SLC6A11: variants seen among roughly 807,000 people sequenced by gnomAD.
SLC6A11 encodes the protein solute carrier family 6 member 11.
A neutral mutation model predicts 74.8 loss-of-function variants in SLC6A11; 25 were observed. The observed-to-expected ratio is 0.33, with a 90% confidence interval of 0.24 to 0.47. SLC6A11 has a LOEUF of 0.47. SLC6A11 is among the 20% of genes least tolerant of loss of function. The probability of loss-of-function intolerance (pLI) is 1.00; values close to 1 mark genes in which losing one functional copy is unlikely to be tolerated. For synonymous variants in SLC6A11, 330 were observed against 330.2 expected, an observed-to-expected ratio of 1.00 and a Z score of 0.01; for missense variants, 574 against 837.0, an observed-to-expected ratio of 0.69 and a Z score of 3.88.
At chr3:10,820,451 A>G (rs1575663943) in intron 3 of SLC6A11, among the ~76,000 whole-genome samples, 1 of 152,208 alleles carries the variant, frequency 6.6e-6, no homozygotes, top group South Asian at 2.1e-4. Flanking sequence ...GGCTGTAGCC[A>G]AGAGGTGGCT....
intron 4 of SLC6A11, among the ~76,000 whole-genome samples, chr3:10,825,668 A>G (rs938554428): frequency 6.6e-6 from 1 of 151,990 alleles, no homozygotes; most frequent in African/African-American, 2.4e-5. Context: ...AGAGTTTTAC[A>G]GTTTTTTTTC....
chr3:10,907,448 C>T (rs189596298), intron 6 of SLC6A11, among the ~76,000 whole-genome samples: 33 of 152,234 alleles, frequency 2.2e-4, no homozygotes, highest in Non-Finnish European at 7.4e-5. Context: ...AAAGAAGAGA[C>T]CCAAAGCAAT....
chr3:10,844,833 G>A (rs1269323617), intron 5 of SLC6A11, among the ~76,000 whole-genome samples: 1 of 152,188 alleles, frequency 6.6e-6, no homozygotes, highest in Non-Finnish European at 1.5e-5. Flanking sequence ...TGTGCCACCT[G>A]TACCATGCAG....
chr3:10,910,979 A>C (rs896352385), intron 6 of SLC6A11, among the ~76,000 whole-genome samples: 6 of 151,568 alleles, frequency 4.0e-5, no homozygotes, highest in African/African-American at 1.5e-4. Context: ...CCGCCACCAC[A>C]CCTGGCTAAT....
chr3:10,839,309 T>G (rs1255293957), intron 4 of SLC6A11, among the ~76,000 whole-genome samples: 2 of 152,182 alleles, frequency 1.3e-5, no homozygotes, highest in Non-Finnish European at 2.9e-5. Flanking sequence ...GCCACGTGAC[T>G]CATGGTCTCA....
rs765659511 is a variant in SLC6A11, at chr3:10,934,041, T to C, written c.1475-25T>C. 4.6e-6 allele frequency: 7 copies of C among 1,532,628 alleles called. No homozygotes were observed. The East Asian group carries it at 1.3e-4, about 29-fold the overall frequency. 94.9% of individuals were successfully genotyped at this position (1,532,628 alleles called of 1,614,324 possible). A position where few individuals can be genotyped will look rare whatever the true frequency, so the allele number is the denominator to read the frequency against. On this transcript the variant is annotated intron_variant, in intron 11 of 13. Coordinates refer to ENST00000254488, the MANE Select transcript of SLC6A11 (RefSeq NM_014229.3). ...ACAAAACTTCTCTGGGGTGTGTATG[T>C]TCCCCTCTGATTTATTCCGGACAGG...
At chr3:10,850,758 T>C (rs1468177812) in intron 5 of SLC6A11, among the ~76,000 whole-genome samples, 1 of 152,168 alleles carries the variant, frequency 6.6e-6, no homozygotes, top group African/African-American at 2.4e-5. Context: ...GGAGAACCAC[T>C]ACAGGTTTTC....
At chr3:10,896,928 T>G (rs1304658490) in intron 6 of SLC6A11, among the ~76,000 whole-genome samples, 1 of 152,186 alleles carries the variant, frequency 6.6e-6, no homozygotes, top group East Asian at 1.9e-4. Context: ...ACTGGACAAT[T>G]TATAAAAGAA....
chr3:10,826,279 C>T (rs1843277), intron 4 of SLC6A11, among the ~76,000 whole-genome samples: 59,848 of 152,120 alleles, frequency 0.39, 13,248 homozygotes, highest in African/African-American at 0.59. Context: ...TAGTCTCAAA[C>T]AGAGCATCTG....
At chr3:10,924,380 A>T (rs994977290) in intron 8 of SLC6A11, among the ~76,000 whole-genome samples, 2 of 152,198 alleles carry the variant, frequency 1.3e-5, no homozygotes, top group Non-Finnish European at 2.9e-5. Context: ...CTTGATAAAC[A>T]TACTGACCGA....
chr3:10,908,724 C>T (rs1246486092), intron 6 of SLC6A11, among the ~76,000 whole-genome samples: 3 of 152,172 alleles, frequency 2.0e-5, no homozygotes, highest in Non-Finnish European at 4.4e-5. Context: ...GAGTGGTACT[C>T]TTTCAGAGTG....
At chr3:10,867,487 A>G (rs1026402803) in intron 5 of SLC6A11, among the ~76,000 whole-genome samples, 3 of 152,238 alleles carry the variant, frequency 2.0e-5, no homozygotes, top group Admixed American at 1.3e-4. Context: ...GTAGGTGTTC[A>G]GTTAATAGCA....
intron 1 of SLC6A11, among the ~76,000 whole-genome samples, chr3:10,817,935 C>G (rs541517893): frequency 6.6e-6 from 1 of 152,314 alleles, no homozygotes; most frequent in South Asian, 2.1e-4. Flanking sequence ...CCTGTGCACA[C>G]CTAGGGTAGT....
chr3:10,929,136 C>A, intron 9 of SLC6A11, 66 bp from the exon 10 acceptor site: 1 of 1,580,448 alleles, frequency 6.3e-7, no homozygotes, highest in South Asian at 1.2e-5. Context: ...CTGCGCTTGC[C>A]CAGAGCCTGG....
At chr3:10,899,229 G>T (rs1695207788) in intron 6 of SLC6A11, among the ~76,000 whole-genome samples, 1 of 152,098 alleles carries the variant, frequency 6.6e-6, no homozygotes, top group African/African-American at 2.4e-5. Context: ...ACTGTGCTTG[G>T]TTCCTTCTAG....
At chr3:10,864,475 C>A in intron 5 of SLC6A11, among the ~76,000 whole-genome samples, 1 of 151,946 alleles carries the variant, frequency 6.6e-6, no homozygotes, top group Non-Finnish European at 1.5e-5. Flanking sequence ...AGGTTCCTGG[C>A]ACATCCGAAA....
At chr3:10,932,321 C>G (rs537534206) in intron 10 of SLC6A11, among the ~76,000 whole-genome samples, 15 of 152,234 alleles carry the variant, frequency 9.9e-5, no homozygotes, top group Middle Eastern at 3.4e-3. Context: ...CTCCTGCGTG[C>G]CAAGCCCTGG....
intron 4 of SLC6A11, among the ~76,000 whole-genome samples, chr3:10,843,116 G>C (rs1236503756): frequency 6.6e-6 from 1 of 152,094 alleles, no homozygotes; most frequent in Non-Finnish European, 1.5e-5. Flanking sequence ...TGGTGCCATA[G>C]TTCTGCACAA....
chr3:10,917,737 G>T (rs1390514632), intron 7 of SLC6A11, among the ~76,000 whole-genome samples: 1 of 152,196 alleles, frequency 6.6e-6, no homozygotes, highest in Admixed American at 6.5e-5. Flanking sequence ...ACCTCTCCAT[G>T]CAAGGGTTCA....
Sources: allele counts gnomAD v4.1 joint callset (sites outside exome capture counted in the v4.1 genomes callset), GRCh38; gene constraint gnomAD v4.1.1; transcripts MANE v1.5; gene names NCBI Gene and HGNC (gene_info 2026-07-23, HGNC 2026-07-21).